Variants in GALNT13 observed in about 807,000 individuals in gnomAD.
GALNT13 encodes polypeptide N-acetylgalactosaminyltransferase 13.
GALNT13 carries 28 observed loss-of-function variants against 64.2 expected under a neutral mutation model. That is an observed-to-expected ratio of 0.44 (90% CI 0.32 to 0.60). The LOEUF (loss-of-function observed/expected upper bound fraction) is 0.60. Ranked by LOEUF, GALNT13 falls within the 20% of genes least tolerant of loss-of-function variation. GALNT13 has a pLI of 0.05. For synonymous variants in GALNT13, 214 were observed against 224.6 expected, an observed-to-expected ratio of 0.95 and a Z score of 0.42; for missense variants, 577 against 669.8, an observed-to-expected ratio of 0.86 and a Z score of 1.53.
At chr2:153,815,976 C>T in the GALNT13 span, among the ~76,000 whole-genome samples, 2 of 152,136 alleles carry the variant, frequency 1.3e-5, no homozygotes, top group Non-Finnish European at 2.9e-5. Flanking sequence ...GTGATTATTC[C>T]TTCAGTTTCT....
At chr2:153,253,943 T>C in the GALNT13 span, among the ~76,000 whole-genome samples, 1 of 152,278 alleles carries the variant, frequency 6.6e-6, no homozygotes, top group Non-Finnish European at 1.5e-5. Flanking sequence ...TTTGGTTGTG[T>C]CTCTGCCCGG....
chr2:153,792,862 G>T, the GALNT13 span, among the ~76,000 whole-genome samples: 1 of 152,028 alleles, frequency 6.6e-6, no homozygotes, highest in East Asian at 1.9e-4. Flanking sequence ...AATTTGGGAA[G>T]AATTGGGGTA....
chr2:153,465,047 G>A, the GALNT13 span, among the ~76,000 whole-genome samples: 1 of 152,204 alleles, frequency 6.6e-6, no homozygotes, highest in African/African-American at 2.4e-5. Flanking sequence ...CCACAGTGGT[G>A]AAGTCTATTA....
chr2:153,224,812 G>A, the GALNT13 span, among the ~76,000 whole-genome samples: 34 of 152,258 alleles, frequency 2.2e-4, no homozygotes, highest in African/African-American at 7.2e-4. Flanking sequence ...GAAATAGCAC[G>A]AGTAGCCCTT....
At chr2:153,152,094 T>C in the GALNT13 span, among the ~76,000 whole-genome samples, 1 of 152,032 alleles carries the variant, frequency 6.6e-6, no homozygotes, top group Non-Finnish European at 1.5e-5. Context: ...GAGCTAGTAC[T>C]AAACCCTGAT....
the GALNT13 span, among the ~76,000 whole-genome samples, chr2:153,817,847 C>T: frequency 6.6e-6 from 1 of 152,040 alleles, no homozygotes; most frequent in Admixed American, 6.5e-5. Flanking sequence ...ATAAGGAAAA[C>T]ATGGTGTAAC....
chr2:154,157,886 G>T (rs1013009892), intron 4 of GALNT13, among the ~76,000 whole-genome samples: 1 of 152,022 alleles, frequency 6.6e-6, no homozygotes, highest in African/African-American at 2.4e-5. Context: ...TTTTCACTTG[G>T]CTTTTAAGTC....
At chr2:154,074,050 T>C (rs1700870205) in intron 3 of GALNT13, among the ~76,000 whole-genome samples, 1 of 151,866 alleles carries the variant, frequency 6.6e-6, no homozygotes, top group Admixed American at 6.6e-5. Context: ...GTTTATTGTT[T>C]TTACATTCAA....
chr2:153,714,618 G>A, the GALNT13 span, among the ~76,000 whole-genome samples: 4 of 152,152 alleles, frequency 2.6e-5, no homozygotes, highest in South Asian at 8.3e-4. Context: ...AATTAAGGTA[G>A]AGAAAAATGA....
At chr2:153,826,934 G>A in the GALNT13 span, among the ~76,000 whole-genome samples, 1 of 152,014 alleles carries the variant, frequency 6.6e-6, no homozygotes, top group African/African-American at 2.4e-5. Flanking sequence ...GAGACAGAAT[G>A]AAACAGAAGG....
the GALNT13 span, among the ~76,000 whole-genome samples, chr2:153,687,461 G>C: frequency 6.6e-6 from 1 of 151,772 alleles, no homozygotes; most frequent in Non-Finnish European, 1.5e-5. Context: ...CTCTGATGGT[G>C]TTTATATTTC....
intron 4 of GALNT13, among the ~76,000 whole-genome samples, chr2:154,239,430 A>G (rs897934305): frequency 6.6e-6 from 1 of 151,832 alleles, no homozygotes; most frequent in South Asian, 2.1e-4. Context: ...GAGGAGGATG[A>G]TGATCTTTAC....
chr2:153,148,518 A>G, the GALNT13 span, among the ~76,000 whole-genome samples: 24 of 96,906 alleles, frequency 2.5e-4, no homozygotes, highest in African/African-American at 9.0e-4. Flanking sequence ...TAGTTGTTTT[A>G]AATAGGGATT....
chr2:153,119,446 A>G, the GALNT13 span, among the ~76,000 whole-genome samples: 4 of 152,344 alleles, frequency 2.6e-5, no homozygotes, highest in East Asian at 7.7e-4. Context: ...TTTATTGAAA[A>G]GTAGTTTCTA....
chr2:153,452,658 A>G, the GALNT13 span, among the ~76,000 whole-genome samples: 12 of 152,000 alleles, frequency 7.9e-5, no homozygotes, highest in Non-Finnish European at 1.5e-4. Context: ...TTCCATGCCC[A>G]TGGATTGCAA....
At chr2:154,371,972 C>A (rs2105312371) in intron 9 of GALNT13, among the ~76,000 whole-genome samples, 1 of 151,922 alleles carries the variant, frequency 6.6e-6, no homozygotes, top group South Asian at 2.1e-4. Context: ...CTGACATAGA[C>A]AAATATATAA....
chr2:154,213,570 G>T (rs1386816805), intron 4 of GALNT13, among the ~76,000 whole-genome samples: 7 of 151,260 alleles, frequency 4.6e-5, no homozygotes, highest in Admixed American at 4.6e-4. Flanking sequence ...AGATGGGTAT[G>T]AAGAATGAGT....
At chr2:153,296,830 C>T in the GALNT13 span, among the ~76,000 whole-genome samples, 2 of 152,066 alleles carry the variant, frequency 1.3e-5, no homozygotes, top group African/African-American at 4.8e-5. Context: ...TTGATTTACT[C>T]ATGTTAAATG....
intron 11 of GALNT13, among the ~76,000 whole-genome samples, chr2:154,411,258 T>C (rs1699778457): frequency 6.6e-6 from 1 of 151,480 alleles, no homozygotes; most frequent in African/African-American, 2.4e-5. Context: ...ACAAGATCAA[T>C]TTAATAACAA....
Sources: allele counts gnomAD v4.1 joint callset (sites outside exome capture counted in the v4.1 genomes callset), GRCh38; gene constraint gnomAD v4.1.1; transcripts MANE v1.5; gene names NCBI Gene and HGNC (gene_info 2026-07-23, HGNC 2026-07-21).